MAP4K3: variants seen among roughly 807,000 people sequenced by gnomAD.
MAP4K3 encodes mitogen-activated protein kinase kinase kinase kinase 3.
MAP4K3 carries 94 observed loss-of-function variants against 143.5 expected under a neutral mutation model. The ratio of observed to expected loss-of-function variants is 0.65; its 90% CI spans 0.55 to 0.78. MAP4K3 has a LOEUF of 0.78. MAP4K3 is among the 30% of genes least tolerant of loss of function. The probability of loss-of-function intolerance (pLI) is 0.00; values close to 1 mark genes in which losing one functional copy is unlikely to be tolerated. For missense variants in MAP4K3, 1,077 were observed against 1,068.1 expected (o/e 1.01, Z -0.12); for synonymous variants, 416 against 347.2 (o/e 1.20, Z -2.20).
At chr2:39,336,651 T>C (rs1321701336) in intron 6 of MAP4K3, among the ~76,000 whole-genome samples, 1 of 152,056 alleles carries the variant, frequency 6.6e-6, no homozygotes, top group African/African-American at 2.4e-5. Context: ...ACTCTGCATT[T>C]TACTAATCAA....
chr2:39,433,607 A>C (rs1483647289), intron 1 of MAP4K3, among the ~76,000 whole-genome samples: 1 of 152,180 alleles, frequency 6.6e-6, no homozygotes, highest in African/African-American at 2.4e-5. Context: ...TAAGAATGCA[A>C]TGAATGCTAT....
intron 26 of MAP4K3, among the ~76,000 whole-genome samples, chr2:39,269,470 CTTTTTTTTTT>C (rs59479315): frequency 8.9e-5 from 8 of 89,676 alleles, no homozygotes; most frequent in African/African-American, 1.4e-4. Context: ...TTGCTCAGGT[CTTTTTTTTTT>C]TTTTTTTTTT....
chr2:39,361,870 A>G (rs1475006176), intron 2 of MAP4K3, among the ~76,000 whole-genome samples: 1 of 152,038 alleles, frequency 6.6e-6, no homozygotes, highest in Non-Finnish European at 1.5e-5. Flanking sequence ...AGCTTATGAG[A>G]GTCATGAAGA....
intron 1 of MAP4K3, among the ~76,000 whole-genome samples, chr2:39,386,216 C>T (rs1558680542): frequency 6.6e-6 from 1 of 152,068 alleles, no homozygotes; most frequent in Non-Finnish European, 1.5e-5. Context: ...GAAGATGCAC[C>T]AAGAAGGAGG....
chr2:39,378,673 T>C (rs1666283570), intron 1 of MAP4K3, among the ~76,000 whole-genome samples: 1 of 152,122 alleles, frequency 6.6e-6, no homozygotes, highest in African/African-American at 2.4e-5. Context: ...CACAATTGTG[T>C]ATATAATTAT....
At chr2:39,363,771 T>C (rs1039159753) in intron 2 of MAP4K3, among the ~76,000 whole-genome samples, 2 of 151,362 alleles carry the variant, frequency 1.3e-5, no homozygotes, top group East Asian at 3.9e-4. Context: ...CAGAATACCA[T>C]GTTGTAAACT....
chr2:39,434,008 T>A (rs1665375395), intron 1 of MAP4K3, among the ~76,000 whole-genome samples: 1 of 152,226 alleles, frequency 6.6e-6, no homozygotes, highest in African/African-American at 2.4e-5. Flanking sequence ...ATTGTCCACA[T>A]CCTTGTTCAG....
At chr2:39,299,324 T>C (rs994802865) in intron 16 of MAP4K3, among the ~76,000 whole-genome samples, 1 of 152,152 alleles carries the variant, frequency 6.6e-6, no homozygotes, top group Non-Finnish European at 1.5e-5. Context: ...TATCTTACTT[T>C]AAAAAAACCT....
rs1411573360 is a variant in MAP4K3 at position 39,299,906 on chromosome 2, C to G, written c.1120-105G>C. On this transcript the variant is annotated intron_variant, in intron 15 of 33. Coordinates refer to ENST00000263881, the MANE Select transcript of MAP4K3 (RefSeq NM_003618.4). ...ATTTTTAAAAGATAAGTCCCAGACC[C>G]CCAAATAAATCTGTATTGCTATACA... The G allele has an allele frequency of 9.4e-6, 4 of 425,110 alleles. No homozygotes were observed. The Admixed American group carries it at 1.3e-4, about 14-fold the overall frequency. 26.3% of individuals were successfully genotyped at this position (425,110 alleles called of 1,614,324 possible). A position where few individuals can be genotyped will look rare whatever the true frequency, so the allele number is the denominator to read the frequency against.
At chr2:39,251,805 T>C in intron 33 of MAP4K3, 25 bp downstream of exon 33, 2 of 1,600,040 alleles carry the variant, frequency 1.2e-6, no homozygotes, top group Non-Finnish European at 1.7e-6. Flanking sequence ...TAGTACTGTG[T>C]ATTTAATACA....
At chr2:39,372,317 G>A (rs528720188) in intron 2 of MAP4K3, among the ~76,000 whole-genome samples, 13 of 151,954 alleles carry the variant, frequency 8.6e-5, no homozygotes, top group Non-Finnish European at 1.9e-4. Flanking sequence ...GATATTCCAT[G>A]TTCATGGACT....
intron 24 of MAP4K3, among the ~76,000 whole-genome samples, chr2:39,276,872 A>G (rs961585441): frequency 6.6e-6 from 1 of 152,208 alleles, no homozygotes; most frequent in African/African-American, 2.4e-5. Flanking sequence ...AATGACCACT[A>G]ATGATTACGG....
chr2:39,361,332 C>T (rs934863025), intron 2 of MAP4K3, among the ~76,000 whole-genome samples: 1 of 152,020 alleles, frequency 6.6e-6, no homozygotes, highest in Non-Finnish European at 1.5e-5. Flanking sequence ...CCATGTACCA[C>T]ACTTAACATA....
chr2:39,312,774 T>C (rs1388839800), intron 13 of MAP4K3, among the ~76,000 whole-genome samples: 2 of 152,222 alleles, frequency 1.3e-5, no homozygotes, highest in Admixed American at 6.5e-5. Context: ...AACTAACATA[T>C]ACCTCATCTT....
In MAP4K3 at chr2:39,326,151, T is replaced by G. The variant is rs1291484249; in HGVS notation, c.657A>C (p.Pro219=). ...ELQPPMFDLH[P]MRALFLMTKS... ...TTCAATGATGATGCACTGACCTCAT[T>G]GGGTGTAAGTCAAACATAGGAGGCT... The change falls in exon 9 of 34, where the codon CCA becomes CCC. Residue 219 remains proline, a synonymous_variant. Transcript: ENST00000263881. The G allele has an allele frequency of 1.2e-6, 2 of 1,613,246 alleles. No individual in the cohort carries two copies. The highest frequency in any genetic ancestry group is 1.7e-6 in the Non-Finnish European group (2 of 1,179,702).
intron 26 of MAP4K3, chr2:39,272,026 GA>G (rs1264595684): frequency 6.6e-6 from 2 of 301,144 alleles, no homozygotes; most frequent in South Asian, 8.7e-5. Flanking sequence ...CAAAGTACAA[GA>G]AAAAAACTAG....
intron 19 of MAP4K3, among the ~76,000 whole-genome samples, chr2:39,288,767 A>C (rs761542473): frequency 5.3e-5 from 8 of 152,342 alleles, no homozygotes; most frequent in South Asian, 2.1e-4. Context: ...AAATGTTATC[A>C]TGTGGCCGGG....
chr2:39,426,901 T>C (rs889144416), intron 1 of MAP4K3, among the ~76,000 whole-genome samples: 2 of 151,850 alleles, frequency 1.3e-5, no homozygotes, highest in Admixed American at 6.6e-5. Context: ...AAGAAAGAGA[T>C]AGGGGAAGAA....
intron 1 of MAP4K3, among the ~76,000 whole-genome samples, chr2:39,423,947 T>C (rs975681550): frequency 2.0e-5 from 3 of 152,308 alleles, no homozygotes; most frequent in Non-Finnish European, 4.4e-5. Context: ...TATTGGTTCA[T>C]CAATTTTTTT....
Sources: gnomAD v4.1 joint callset for allele counts (sites outside exome capture counted in the v4.1 genomes callset) on GRCh38, gnomAD v4.1.1 for gene constraint, MANE v1.5 for transcripts, NCBI Gene and HGNC (gene_info 2026-07-23, HGNC 2026-07-21) for gene names.